Variants in SOX5 observed in about 807,000 individuals in gnomAD.
The protein encoded by SOX5 is transcription factor SOX-5.
In SOX5, 9 loss-of-function variants were observed where a neutral mutation model predicts 92.0. The observed-to-expected ratio is 0.10, with a 90% CI of 0.06 to 0.17. The LOEUF (loss-of-function observed/expected upper bound fraction) is 0.17. SOX5 is among the 10% of genes least tolerant of loss of function. The pLI, the probability that SOX5 is intolerant of heterozygous loss-of-function variation, is 1.00. For missense variants in SOX5, 642 were observed against 944.5 expected (o/e 0.68, Z 4.20); for synonymous variants, 344 against 336.3 (o/e 1.02, Z -0.25).
chr12:24,430,168 T>C (rs147872194), intron 1 of SOX5, among the ~76,000 whole-genome samples: 1 of 152,268 alleles, frequency 6.6e-6, no homozygotes, highest in Non-Finnish European at 1.5e-5. Flanking sequence ...ACACGATGCT[T>C]CCTTAAAGAA....
At chr12:23,890,241 A>G (rs1350108975) in intron 2 of SOX5, among the ~76,000 whole-genome samples, 1 of 151,930 alleles carries the variant, frequency 6.6e-6, no homozygotes, top group Non-Finnish European at 1.5e-5. Flanking sequence ...AATCACTTGA[A>G]TGTGGGAGGC....
rs77666186 is a variant in SOX5 at position 24,106,969 on chromosome 12, T to C, written c.-2+106374A>G. On this transcript the variant is annotated intron_variant, in intron 4 of 4. Coordinates refer to the SOX5 transcript ENST00000446891. ...ACAAAAATCAAATGAGCCAAAATTG[T>C]CACAAAATTGAGGTAAGGTAAAGAA... Among the ~76,000 whole-genome samples the C allele has an allele frequency of 6.0e-3, 910 of 152,072 alleles. 7 individuals carry two copies. The highest frequency in any genetic ancestry group is 0.032 in the South Asian group (155 of 4,820).
intron 4 of SOX5, among the ~76,000 whole-genome samples, chr12:23,979,217 G>A (rs1949241728): frequency 6.6e-6 from 1 of 151,778 alleles, no homozygotes; most frequent in Non-Finnish European, 1.5e-5. Context: ...TAATACCTGT[G>A]GGTTTTTTGT....
At chr12:24,051,899 C>T (rs1957594503) in intron 4 of SOX5, among the ~76,000 whole-genome samples, 1 of 152,186 alleles carries the variant, frequency 6.6e-6, no homozygotes, top group South Asian at 2.1e-4. Context: ...TGCTTCAGCT[C>T]CTACCTTTTT....
chr12:24,145,741 A>G (rs1280181237), intron 4 of SOX5, among the ~76,000 whole-genome samples: 1 of 152,174 alleles, frequency 6.6e-6, no homozygotes, highest in Non-Finnish European at 1.5e-5. Context: ...TCCTGAGTGC[A>G]AGCAATCTGC....
chr12:24,552,974 G>C (rs1953355177), intron 1 of SOX5, among the ~76,000 whole-genome samples: 1 of 152,256 alleles, frequency 6.6e-6, no homozygotes, highest in Non-Finnish European at 1.5e-5. Context: ...TGAGGCTGCA[G>C]TGAGCCATGA....
intron 2 of SOX5, among the ~76,000 whole-genome samples, chr12:24,324,825 C>T (rs1232026552): frequency 1.3e-5 from 2 of 152,002 alleles, no homozygotes; most frequent in African/African-American, 2.4e-5. Flanking sequence ...TAGCACAATG[C>T]CTACCTCCTG....
At chr12:24,479,992 T>C (rs1424067814) in intron 1 of SOX5, among the ~76,000 whole-genome samples, 2 of 152,168 alleles carry the variant, frequency 1.3e-5, no homozygotes, top group Non-Finnish European at 2.9e-5. Context: ...AAAACCATAA[T>C]AGTTAATGCT....
At position 23,604,451 on chromosome 12, in the gene SOX5, G is replaced by C. The variant is rs1180107005; in HGVS notation, c.1100C>G (p.Ala367Gly). 4 of 1,613,744 alleles carry C rather than the reference G, an allele frequency of 2.5e-6. No homozygotes were observed. Among genetic ancestry groups the C allele is most frequent in the Non-Finnish European group, 3.4e-6 (4 of 1,179,724 alleles). ...LPGIPQGNLG[A>G]AVSPTSIHTD... ...GTGAATGCTGGTAGGAGATACAGCAGCACCAAGGTTGCCTTGGGGTATGCC... is the reference window on the plus strand; with the variant it reads ...GTGAATGCTGGTAGGAGATACAGCACCACCAAGGTTGCCTTGGGGTATGCC... The change falls in exon 9 of 15, where the codon GCT (alanine) becomes GGT (glycine). Residue 367 changes from alanine to glycine, a missense_variant. Around this residue, in one of 8 missense-constraint regions of SOX5, gnomAD observed 324 missense variants for 461.6 expected, o/e 0.70. Transcript: ENST00000451604.
At chr12:24,352,172 C>T (rs1954170114) in intron 2 of SOX5, among the ~76,000 whole-genome samples, 2 of 152,086 alleles carry the variant, frequency 1.3e-5, no homozygotes, top group Admixed American at 6.6e-5. Flanking sequence ...GGTGTTTTCA[C>T]AATAGTGAAT....
chr12:23,779,979 G>GTA (rs2095239704), intron 3 of SOX5, among the ~76,000 whole-genome samples: 1 of 149,586 alleles, frequency 6.7e-6, no homozygotes, highest in African/African-American at 2.4e-5. Flanking sequence ...GTGTGTGTGT[G>GTA]TGTGTGTGTG....
intron 3 of SOX5, among the ~76,000 whole-genome samples, chr12:24,223,979 C>G (rs543253603): frequency 1.3e-5 from 2 of 152,064 alleles, no homozygotes; most frequent in African/African-American, 4.8e-5. Flanking sequence ...AATTTAGAAG[C>G]GTTATGCAAA....
At chr12:23,712,962 C>T (rs958913949) in intron 6 of SOX5, among the ~76,000 whole-genome samples, 3 of 152,128 alleles carry the variant, frequency 2.0e-5, no homozygotes, top group Admixed American at 6.5e-5. Flanking sequence ...ACTGTGTTCC[C>T]CCAAAAGATA....
In SOX5 at chr12:23,896,034, A is replaced by G; in HGVS notation, c.39-10T>C. 1.3e-6 allele frequency: 2 copies of G among 1,568,858 alleles called. No homozygotes were observed. The highest frequency in any genetic ancestry group is 1.8e-6 in the Non-Finnish European group (2 of 1,139,642). ...TCGCTTGGAAGACATCCTGGAAGGA[A>G]CAAAAGAGGAGAAAATAATGAAACC... On this transcript the variant is annotated splice_polypyrimidine_tract_variant and intron_variant, in intron 1 of 14. Coordinates refer to ENST00000451604, the MANE Select transcript of SOX5 (RefSeq NM_006940.6).
At position 24,157,325 on chromosome 12, in the gene SOX5, C is replaced by T. The variant is rs548556870; in HGVS notation, c.-2+56018G>A. 3.9e-5 allele frequency among the ~76,000 whole-genome samples: 6 copies of T among 152,208 alleles called. No homozygotes were observed. In the South Asian group the frequency reaches 1.0e-3, roughly 26 times the overall value. ...ACAATTATTATAACACACTTAAATA[C>T]TGCACTAAGTTAGTTCAAAGTTCAA... On this transcript the variant is annotated intron_variant, in intron 4 of 4. Coordinates refer to the SOX5 transcript ENST00000446891.
chr12:23,798,378 A>G (rs2095602289), intron 3 of SOX5, among the ~76,000 whole-genome samples: 1 of 152,014 alleles, frequency 6.6e-6, no homozygotes, highest in African/African-American at 2.4e-5. Flanking sequence ...ACTGCAAATT[A>G]AGGGCACATA....
chr12:23,787,958 G>T (rs1402188422), intron 3 of SOX5, among the ~76,000 whole-genome samples: 2 of 151,414 alleles, frequency 1.3e-5, no homozygotes, highest in South Asian at 2.1e-4. Flanking sequence ...TGAGCAAAGA[G>T]TCTTATGAAA....
intron 1 of SOX5, among the ~76,000 whole-genome samples, chr12:24,497,165 A>G (rs1947724549): frequency 6.6e-6 from 1 of 152,238 alleles, no homozygotes; most frequent in Admixed American, 6.5e-5. Context: ...TGAATCAATC[A>G]TGAAGGAAAA....
intron 4 of SOX5, among the ~76,000 whole-genome samples, chr12:24,152,975 ACT>A (rs996992724): frequency 1.3e-5 from 2 of 151,756 alleles, no homozygotes; most frequent in African/African-American, 2.4e-5. Context: ...GAGCTCGAAG[ACT>A]CTGATGAGTT....
Sources: allele counts gnomAD v4.1 joint callset (sites outside exome capture counted in the v4.1 genomes callset), GRCh38; gene constraint gnomAD v4.1.1; regional missense constraint gnomAD v4.1.1; transcripts MANE v1.5; gene names NCBI Gene and HGNC (gene_info 2026-07-23, HGNC 2026-07-21).